CS: variants seen among roughly 807,000 people sequenced by gnomAD.
CS encodes citrate synthase.
CS carries 13 observed loss-of-function variants against 61.4 expected under a neutral mutation model. The ratio of observed to expected loss-of-function variants is 0.21; its 90% CI spans 0.14 to 0.34. The LOEUF is 0.34. Among genes scored for constraint, CS ranks in the 10% least tolerant of loss-of-function variants. The pLI is 1.00. For missense variants in CS, 278 were observed against 573.4 expected (o/e 0.48, Z 5.26); for synonymous variants, 159 against 215.2 (o/e 0.74, Z 2.29).
In CS at chr12:56,284,598, T is replaced by G. The variant is rs533520675; in HGVS notation, c.202-741A>C. On this transcript the variant is annotated intron_variant, in intron 3 of 10. Transcript: ENST00000351328. ...GCTAATTTTTGTATTTCTTTTTTTT[T>G]TTTTTAAAGAAATGGGGTTTAGGCC... 1.2e-3 allele frequency among the ~76,000 whole-genome samples: 182 copies of G among 151,036 alleles called. 1 individual carries two copies. The highest frequency in any genetic ancestry group is 4.2e-3 in the African/African-American group (172 of 41,250).
intron 3 of CS, 68 bp downstream of exon 3, chr12:56,285,848 G>C (rs1455369023): frequency 8.1e-7 from 1 of 1,241,920 alleles, no homozygotes; most frequent in Middle Eastern, 2.7e-4. Context: ...AGTCAGTGGA[G>C]AGAATGTTAC....
At chr12:56,299,949 G>T (rs1873429242) in intron 1 of CS, 1 of 508,450 alleles carries the variant, frequency 2.0e-6, no homozygotes. Flanking sequence ...CGGGCCGAGG[G>T]CGGGCGGCGT....
In CS at chr12:56,300,242, G is replaced by A; in HGVS notation, c.-41C>T. 6.5e-7 allele frequency: 1 copy of A among 1,544,052 alleles called. No homozygotes were observed. The highest frequency in any genetic ancestry group is 8.7e-7 in the Non-Finnish European group (1 of 1,145,202). On this transcript the variant is annotated 5_prime_UTR_variant, in exon 1 of 11. Transcript: ENST00000351328. ...GGATCTGGTGGGGAGGTAAGAAAGG[G>A]AGAGAGCTGCGGCAGGAACAGGAGC...
chr12:56,276,119 C>T lies in CS; in HGVS notation c.665G>A (p.Arg222Lys). Residue 222 changes from arginine (R) to lysine (K), a missense_variant, in exon 7 of 11, where the codon AGA (arginine) becomes AAA (lysine). By Grantham distance (26) the Arg-to-Lys change is conservative (BLOSUM62 2). This residue lies in a region of CS where 223 missense variants were observed against 503.5 expected (regional missense o/e 0.44). Coordinates refer to ENST00000351328, the MANE Select transcript of CS (RefSeq NM_004077.3). ...VAAKIYRNLY[R>K]EGSGIGAIDS... ...AATGGCCCCAATACCGCTGCCTTCT[C>T]TGTAGAGATTTCGGTAGATCTTTGC... The T allele has an allele frequency of 6.2e-7, 1 of 1,614,120 alleles. No homozygotes were observed.
At position 56,273,682 on chromosome 12, in the gene CS, G is replaced by A; in HGVS notation, c.1135C>T (p.Gln379Ter). The A allele has an allele frequency of 1.2e-6, 2 of 1,614,178 alleles. No individual in the cohort carries two copies. Among genetic ancestry groups the A allele is most frequent in the Non-Finnish European group, 8.5e-7 (1 of 1,180,030 alleles). Residue 379 changes from glutamine to a stop codon, truncating the protein, a stop_gained, in exon 10 of 11, where the codon CAG becomes TAG. Transcript: ENST00000351328. LOFTEE classifies it high-confidence loss of function. Reference protein sequence around the residue: ...PNDPMFKLVAQLYKIVPNVLL... With the variant: ...PNDPMFKLVA ...ACATTGGGCACAATCTTGTACAGCT[G>A]AGCAACCAACTTAAACATGGGGTCA... is the stretch of plus-strand genomic sequence containing the variant.
intron 7 of CS, 42 bp downstream of exon 7, chr12:56,275,954 A>G (rs1172088570): frequency 1.3e-6 from 2 of 1,584,340 alleles, no homozygotes; most frequent in Admixed American, 1.7e-5. Context: ...ATTTCCCACC[A>G]ATTGAGGCAC....
Position 56,300,295 on chromosome 12 carries a change from G to A in CS, c.-94C>T. 3 of 1,342,702 alleles carry A rather than the reference G, an allele frequency of 2.2e-6. No individual in the cohort carries two copies. The highest frequency in any genetic ancestry group is 4.6e-5 in the Admixed American group (2 of 43,524). 83.2% of individuals were successfully genotyped at this position (1,342,702 alleles called of 1,614,324 possible). On this transcript the variant is annotated 5_prime_UTR_variant, in exon 1 of 11. Transcript: ENST00000351328. ...CCGCCGCTGCACCAGAGGCCGCGCC[G>A]ACGGGTTGACAAGGTTGAAAGGAGG... is the stretch of plus-strand genomic sequence containing the variant.
At chr12:56,300,118 G>T in intron 1 of CS, 42 bp downstream of exon 1, 1 of 1,546,458 alleles carries the variant, frequency 6.5e-7, no homozygotes, top group East Asian at 2.5e-5. Context: ...GGTCGCCTCA[G>T]CCCCACCCTG....
At chr12:56,280,416 C>CAAAAAAAAAAAAAAAAA (rs1190260476) in intron 6 of CS, among the ~76,000 whole-genome samples, 4 of 89,798 alleles carry the variant, frequency 4.5e-5, no homozygotes, top group Admixed American at 1.6e-4. Context: ...CACCGTCTCC[C>CAAAAAAAAAAAAAAAAA]AAAAAAAACA....
chr12:56,274,674 A>G, intron 9 of CS, 103 bp downstream of exon 9: 1 of 932,528 alleles, frequency 1.1e-6, no homozygotes, highest in Non-Finnish European at 1.6e-6. Flanking sequence ...TGAAGAAAAA[A>G]AAATCTCTAA....
intron 1 of CS, 66 bp downstream of exon 1, chr12:56,300,094 G>A: frequency 6.7e-7 from 1 of 1,495,534 alleles, no homozygotes; most frequent in Non-Finnish European, 9.0e-7. Flanking sequence ...AGACCCCGGC[G>A]CCGGAGGGCC....
chr12:56,284,619 A>AG (rs1303456862), intron 3 of CS, among the ~76,000 whole-genome samples: 1 of 145,472 alleles, frequency 6.9e-6, no homozygotes, highest in Non-Finnish European at 1.5e-5. Flanking sequence ...AATGGGGTTT[A>AG]GGCCGGGTGC....
At position 56,286,661 on chromosome 12, in the gene CS, G is replaced by A. The variant is rs774733368; in HGVS notation, c.43-16C>T. Reference sequence around the variant, plus strand: ...AAGATGCATTCTGCAAAGCAAAAAAGAGAACCTTATGTAACTGTTACCCCT... The same window carrying A: ...AAGATGCATTCTGCAAAGCAAAAAAAAGAACCTTATGTAACTGTTACCCCT... On this transcript the variant is annotated splice_polypyrimidine_tract_variant and intron_variant, in intron 1 of 10. Transcript: ENST00000351328. 5.0e-6 allele frequency: 8 copies of A among 1,612,778 alleles called. No homozygotes were observed. The highest frequency in any genetic ancestry group is 6.8e-6 in the Non-Finnish European group (8 of 1,178,988).
chr12:56,280,700 G>A (rs918490503), intron 6 of CS, among the ~76,000 whole-genome samples: 3 of 151,808 alleles, frequency 2.0e-5, no homozygotes, highest in Non-Finnish European at 2.9e-5. Context: ...GTGACACAGC[G>A]AGACTCCATC....
intron 1 of CS, 161 bp downstream of exon 1, chr12:56,299,999 T>C (rs1364837500): frequency 1.6e-6 from 1 of 627,144 alleles, no homozygotes; most frequent in Non-Finnish European, 2.6e-6. Flanking sequence ...GCGCGGCACA[T>C]GGTCCTGTAG....
intron 5 of CS, 124 bp from the exon 6 acceptor site, chr12:56,282,732 G>A (rs987731750): frequency 6.5e-7 from 1 of 1,532,578 alleles, no homozygotes. Context: ...TTATACAGCA[G>A]AACTCTGCTG....
intron 1 of CS, among the ~76,000 whole-genome samples, chr12:56,290,894 A>C (rs1372808109): frequency 6.6e-6 from 1 of 152,218 alleles, no homozygotes; most frequent in African/African-American, 2.4e-5. Context: ...AAGTCTTGTT[A>C]CTTAAAATGT....
chr12:56,276,396 G>A (rs146851170), intron 6 of CS, among the ~76,000 whole-genome samples: 2 of 152,260 alleles, frequency 1.3e-5, no homozygotes, highest in Non-Finnish European at 2.9e-5. Flanking sequence ...TATGACCCAG[G>A]CACTAAGTGA....
At chr12:56,295,575 T>C (rs1180641652) in intron 1 of CS, among the ~76,000 whole-genome samples, 2 of 151,870 alleles carry the variant, frequency 1.3e-5, no homozygotes, top group East Asian at 1.9e-4. Flanking sequence ...ACTAAGTATA[T>C]ACTAGTGAAT....
Sources: gnomAD v4.1 joint callset for allele counts (sites outside exome capture counted in the v4.1 genomes callset) on GRCh38, gnomAD v4.1.1 for gene constraint, gnomAD v4.1.1 regional missense constraint, MANE v1.5 for transcripts, NCBI Gene and HGNC (gene_info 2026-07-23, HGNC 2026-07-21) for gene names.